The following TOX4 variants were observed in gnomAD, a reference collection of about 807,000 sequenced individuals.
TOX4 encodes the protein epidermal Langerhans cell protein LCP1.
A neutral mutation model predicts 61.0 loss-of-function variants in TOX4; 12 were observed. The observed-to-expected ratio is 0.20, with a 90% CI of 0.13 to 0.32. TOX4 has a LOEUF of 0.32. Among genes scored for constraint, TOX4 ranks in the 10% least tolerant of loss-of-function variants. TOX4 has a pLI of 1.00. For missense variants in TOX4, 499 were observed against 753.3 expected (o/e 0.66, Z 3.95); for synonymous variants, 268 against 274.8 (o/e 0.98, Z 0.24).
chr14:21,490,894 C>A (rs937388400), intron 5 of TOX4, among the ~76,000 whole-genome samples: 1 of 152,228 alleles, frequency 6.6e-6, no homozygotes, highest in Non-Finnish European at 1.5e-5. Context: ...GGTGCAATCT[C>A]AGCTTACTGC....
At chr14:21,495,631 C>A in intron 8 of TOX4, 1 of 343,068 alleles carries the variant, frequency 2.9e-6, no homozygotes, top group Non-Finnish European at 5.3e-6. Flanking sequence ...CTTATGTATG[C>A]TCTTTAAAAA....
In TOX4 at chr14:21,485,991, A is replaced by G. The variant is rs1461825693; in HGVS notation, c.76-1460A>G. ...CGAGGCAGTAGGATTACTTGAGTCC[A>G]GGAGTTCGAGACTAGCCTGGGCAAC... On this transcript the variant is annotated intron_variant, in intron 2 of 8. Transcript: ENST00000448790. 4.7e-5 allele frequency among the ~76,000 whole-genome samples: 5 copies of G among 105,310 alleles called. 2 individuals carry two copies. Among genetic ancestry groups the G allele is most frequent in the Non-Finnish European group, 1.0e-4 (5 of 48,092 alleles). 69.1% of individuals were successfully genotyped at this position (105,310 alleles called of 152,430 possible).
chr14:21,487,822 C>G (rs756556085), intron 3 of TOX4, 129 bp downstream of exon 3: 30 of 1,090,436 alleles, frequency 2.8e-5, no homozygotes, highest in Non-Finnish European at 3.6e-5. Flanking sequence ...GGCTCACCAA[C>G]AAAGACTTAA....
Position 21,496,583 on chromosome 14 carries a change from AAC to A in TOX4, c.1847_1848del (p.Thr616SerfsTer36). The A allele has an allele frequency of 2.5e-6, 4 of 1,612,600 alleles. No homozygotes were observed. Among genetic ancestry groups the A allele is most frequent in the Non-Finnish European group, 3.4e-6 (4 of 1,179,680 alleles). ...FLAWVASRNS[N>X]TVVFVK is the part of the protein sequence containing the mutation. ...GGCCTGGGTAGCCTCTAGAAATTCA[AAC>A]ACAGTGGTGTTTGTGAAATAGTCCT... is the stretch of plus-strand genomic sequence containing the variant. On this transcript the variant is annotated frameshift_variant, in exon 9 of 9. Coordinates refer to ENST00000448790, the MANE Select transcript of TOX4 (RefSeq NM_014828.4). LOFTEE classifies it high-confidence loss of function.
intron 2 of TOX4, 25 bp downstream of exon 2, chr14:21,477,589 GGGGGTAGGGCCTGAGGCAGCGGT>G (rs777672657): frequency 5.0e-6 from 8 of 1,612,414 alleles, no homozygotes; most frequent in Non-Finnish European, 5.1e-6. Flanking sequence ...CCGACGCCGC[GGGGGTAGGGCCTGAGGCAGCGGT>G]GGGGTAGGGT....
chr14:21,494,745 G>A (rs1183730993), intron 7 of TOX4, among the ~76,000 whole-genome samples: 12 of 103,470 alleles, frequency 1.2e-4, no homozygotes, highest in Admixed American at 6.5e-4. Context: ...GAGAGACTCC[G>A]TCTCAAAAAA....
intron 5 of TOX4, 48 bp downstream of exon 5, chr14:21,489,451 A>G: frequency 6.6e-7 from 1 of 1,523,570 alleles, no homozygotes; most frequent in Non-Finnish European, 8.9e-7. Context: ...GAAGTTTTTA[A>G]AGAGATAAAA....
Position 21,487,434 on chromosome 14 carries a change from C to T in TOX4, c.76-17C>T, listed in dbSNP as rs763614927. 11 of 1,610,142 alleles carry T rather than the reference C, an allele frequency of 6.8e-6. No homozygotes were observed. The highest frequency in any genetic ancestry group is 1.3e-5 in the African/African-American group (1 of 74,848). On this transcript the variant is annotated splice_polypyrimidine_tract_variant and intron_variant, in intron 2 of 8. Coordinates refer to ENST00000448790, the MANE Select transcript of TOX4 (RefSeq NM_014828.4). ...TCCTCTTTTCACTAATTCTTTTCCCCCTTTTTTCCCCTACAGACATTCCAT... is the reference window on the plus strand; with the variant it reads ...TCCTCTTTTCACTAATTCTTTTCCCTCTTTTTTCCCCTACAGACATTCCAT...
chr14:21,493,129 A>G lies in TOX4; in HGVS notation c.1513A>G (p.Thr505Ala), dbSNP rs370952813. ...GCCTCTACCCACTTTGAAAATGCAG[A>G]CTACCTTAGTCCCACCAACTGTGGA... ...SVPLPTLKMQ[T>A]TLVPPTVESS... The change falls in exon 7 of 9, where the codon ACT becomes GCT. Residue 505 changes from threonine (T) to alanine (A), a missense_variant. This residue lies in a region of TOX4 where 296 missense variants were observed against 404.7 expected (regional missense o/e 0.73). Coordinates refer to ENST00000448790, the MANE Select transcript of TOX4 (RefSeq NM_014828.4). The G allele has an allele frequency of 4.3e-6, 7 of 1,613,716 alleles. No individual in the cohort carries two copies. The highest frequency in any genetic ancestry group is 4.0e-5 in the African/African-American group (3 of 74,752).
At chr14:21,494,581 A>C (rs942433770) in intron 7 of TOX4, among the ~76,000 whole-genome samples, 1 of 152,102 alleles carries the variant, frequency 6.6e-6, no homozygotes, top group Non-Finnish European at 1.5e-5. Flanking sequence ...ACCCGTCTCT[A>C]CTAAAAAATA....
intron 5 of TOX4, among the ~76,000 whole-genome samples, chr14:21,491,643 G>A (rs1178693878): frequency 6.6e-6 from 1 of 150,902 alleles, no homozygotes; most frequent in Non-Finnish European, 1.5e-5. Flanking sequence ...GATTACAGGC[G>A]TGAGCCACCG....
At chr14:21,482,840 A>G (rs1194089409) in intron 2 of TOX4, among the ~76,000 whole-genome samples, 1 of 142,788 alleles carries the variant, frequency 7.0e-6, no homozygotes, top group African/African-American at 2.6e-5. Flanking sequence ...TTACTATAGC[A>G]TGTGGTTTAC....
intron 2 of TOX4, 109 bp downstream of exon 2, chr14:21,477,673 C>G (rs1228883030): frequency 1.6e-6 from 2 of 1,241,788 alleles, no homozygotes; most frequent in East Asian, 4.7e-5. Context: ...AACCAAGGGC[C>G]GCAATTGGTG....
chr14:21,496,816 A>C lies in TOX4; in HGVS notation c.*210A>C, dbSNP rs1054799917. On this transcript the variant is annotated 3_prime_UTR_variant, in exon 9 of 9. Transcript: ENST00000448790. ...AATCTGGAGATGCTTTTTACTTTCA[A>C]CCATAAGCGGTAATAGCAGAGGAAA... The C allele has an allele frequency of 5.6e-6, 3 of 532,334 alleles. No individual in the cohort carries two copies. The highest frequency in any genetic ancestry group is 1.9e-5 in the African/African-American group (1 of 52,154). The allele number at this position is 532,334 out of a possible 1,614,324, so 33.0% of individuals were successfully genotyped here. A position where few individuals can be genotyped will look rare whatever the true frequency, so the allele number is the denominator to read the frequency against.
intron 2 of TOX4, among the ~76,000 whole-genome samples, chr14:21,485,169 A>T (rs1891174386): frequency 9.5e-6 from 1 of 105,568 alleles, no homozygotes; most frequent in Non-Finnish European, 2.1e-5. Flanking sequence ...TGATCTCAGC[A>T]CTTTGGGAGG....
In TOX4 at chr14:21,493,244, A is replaced by G; in HGVS notation, c.1628A>G (p.Asp543Gly). The change falls in exon 7 of 9, where the codon GAT becomes GGT. Residue 543 changes from aspartate (D) to glycine (G), a missense_variant. Physicochemically the swap from Asp to Gly is moderately conservative, Grantham distance 94. Around this residue, in one of 7 missense-constraint regions of TOX4, gnomAD observed 296 missense variants for 404.7 expected, o/e 0.73. Coordinates refer to ENST00000448790, the MANE Select transcript of TOX4 (RefSeq NM_014828.4). Reference sequence around the variant, plus strand: ...GAGACTATCTGTGAGATGATCACAGATGTAGTTCCTGAGGTGAGCCTTTGT... The same window carrying G: ...GAGACTATCTGTGAGATGATCACAGGTGTAGTTCCTGAGGTGAGCCTTTGT... Reference protein sequence around the residue: ...SPETICEMITDVVPEVESPSQ... With the variant: ...SPETICEMITGVVPEVESPSQ... 2 of 1,609,084 alleles carry G rather than the reference A, an allele frequency of 1.2e-6. No individual in the cohort carries two copies. Among genetic ancestry groups the G allele is most frequent in the African/African-American group, 2.7e-5 (2 of 74,778 alleles).
intron 1 of TOX4, 60 bp downstream of exon 1, chr14:21,477,344 G>A (rs903317745): frequency 5.0e-6 from 8 of 1,613,716 alleles, no homozygotes; most frequent in Non-Finnish European, 6.8e-6. Context: ...GTTGAAGCAG[G>A]GACGGGAAGC....
intron 2 of TOX4, among the ~76,000 whole-genome samples, chr14:21,478,427 C>T (rs778865285): frequency 2.0e-5 from 3 of 152,178 alleles, no homozygotes; most frequent in Admixed American, 1.3e-4. Flanking sequence ...CACAGTTTCC[C>T]CAGCTGTCAA....
At chr14:21,478,269 T>G (rs750599419) in intron 2 of TOX4, among the ~76,000 whole-genome samples, 3 of 152,232 alleles carry the variant, frequency 2.0e-5, no homozygotes, top group Non-Finnish European at 4.4e-5. Flanking sequence ...AAATTTGTGG[T>G]TACCTTTACC....
Sources: allele counts gnomAD v4.1 joint callset (sites outside exome capture counted in the v4.1 genomes callset), GRCh38; gene constraint gnomAD v4.1.1; regional missense constraint gnomAD v4.1.1; transcripts MANE v1.5; gene names NCBI Gene and HGNC (gene_info 2026-07-23, HGNC 2026-07-21).